Variants in TPTE2 observed in about 807,000 individuals in gnomAD.
The protein encoded by TPTE2 is transmembrane phosphoinositide 3-phosphatase and tensin homolog 2, also known as phosphatidylinositol 3,4,5-trisphosphate 3-phosphatase TPTE2.
Under a neutral mutation model 78.6 loss-of-function variants are expected in TPTE2, and 53 were observed. The ratio of observed to expected loss-of-function variants is 0.67; its 90% CI spans 0.54 to 0.85. TPTE2 has a LOEUF of 0.85. TPTE2 is among the 40% of genes least tolerant of loss of function. TPTE2 has a pLI of 0.00. For missense variants in TPTE2, 461 were observed against 623.0 expected (o/e 0.74, Z 2.77); for synonymous variants, 175 against 206.2 (o/e 0.85, Z 1.30).
upstream of TPTE2, among the ~76,000 whole-genome samples, chr13:19,504,890 A>T (rs147279780): frequency 6.6e-6 from 1 of 152,102 alleles, no homozygotes; most frequent in Non-Finnish European, 1.5e-5. Context: ...GTCTAGATAG[A>T]CAGAAGTAGT....
chr13:19,541,167 A>G (rs35165979), upstream of TPTE2, among the ~76,000 whole-genome samples: 1 of 152,324 alleles, frequency 6.6e-6, no homozygotes, highest in East Asian at 1.9e-4. Context: ...GTGGTCCCCA[A>G]GGTTTCTTGC....
At chr13:19,499,878 A>G (rs1482880558) in intron 1 of TPTE2, among the ~76,000 whole-genome samples, 17 of 150,702 alleles carry the variant, frequency 1.1e-4, no homozygotes, top group African/African-American at 3.7e-4. Flanking sequence ...TTTTGAAAGG[A>G]TCAACAAAAT....
At chr13:19,531,677 A>G (rs987097971) in intron 1 of TPTE2, among the ~76,000 whole-genome samples, 1 of 151,910 alleles carries the variant, frequency 6.6e-6, no homozygotes, top group Non-Finnish European at 1.5e-5. Flanking sequence ...CTGTAATCCC[A>G]GCACTTTGGG....
intron 4 of TPTE2, among the ~76,000 whole-genome samples, chr13:19,480,642 T>C (rs1205741239): frequency 6.6e-6 from 1 of 152,084 alleles, no homozygotes; most frequent in Non-Finnish European, 1.5e-5. Context: ...AACTTTTCAG[T>C]CCAAAGACAG....
chr13:19,451,135 C>A (rs1338770110), intron 11 of TPTE2, 30 bp downstream of exon 14: 4 of 1,608,312 alleles, frequency 2.5e-6, no homozygotes, highest in African/African-American at 1.3e-5. Flanking sequence ...TTTCTACCTA[C>A]AGTAGCAAAA....
Position 19,432,581 on chromosome 13 carries a change from G to A in TPTE2, c.1117-3C>T. The A allele has an allele frequency of 6.3e-7, 1 of 1,577,654 alleles. No homozygotes were observed. The highest frequency in any genetic ancestry group is 8.7e-7 in the Non-Finnish European group (1 of 1,153,514). On this transcript the variant is annotated splice_polypyrimidine_tract_variant and splice_region_variant and intron_variant, in intron 15 of 19. Transcript: ENST00000400230. ...GCAAAATATCCAACATATCTATTCT[G>A]AAAAGCAACAGAAATCTTCCTTTAA...
intron 18 of TPTE2, chr13:19,425,804 C>T (rs146865953): frequency 0.01 from 4,600 of 449,080 alleles, 64 homozygotes; most frequent in African/African-American, 0.034. Context: ...CTCCCCCTTC[C>T]AGTTGGCCCT....
chr13:19,487,257 C>T (rs970503147), intron 3 of TPTE2, among the ~76,000 whole-genome samples: 2 of 152,030 alleles, frequency 1.3e-5, no homozygotes, highest in Non-Finnish European at 2.9e-5. Flanking sequence ...TACACAGCTG[C>T]TTGTCTCTCA....
intron 15 of TPTE2, among the ~76,000 whole-genome samples, chr13:19,434,165 TA>T (rs2137483709): frequency 6.6e-6 from 1 of 152,342 alleles, no homozygotes; most frequent in African/African-American, 2.4e-5. Context: ...GCTTTGCCTT[TA>T]AAGGGGATAC....
chr13:19,425,148 C>T (rs140460384), intron 18 of TPTE2, 131 bp from the exon 22 acceptor site: 8,328 of 479,668 alleles, frequency 0.017, 602 homozygotes, highest in African/African-American at 0.15. Context: ...TAGCACTCTG[C>T]AATCTATAAC....
At chr13:19,450,162 T>C (rs1878084180) in exon 13 of TPTE2, 2 of 1,611,042 alleles carry the variant, frequency 1.2e-6, no homozygotes, top group African/African-American at 1.3e-5. Flanking sequence ...AACCACCATC[T>C]CACTGATTTC....
At chr13:19,469,681 T>C (rs1879488952) in intron 6 of TPTE2, among the ~76,000 whole-genome samples, 3 of 152,198 alleles carry the variant, frequency 2.0e-5, no homozygotes, top group Admixed American at 2.0e-4. Context: ...CATTTCTTGG[T>C]GTCCTCTTCA....
At chr13:19,457,239 A>T (rs1330153474) in intron 10 of TPTE2, among the ~76,000 whole-genome samples, 4 of 152,330 alleles carry the variant, frequency 2.6e-5, no homozygotes, top group African/African-American at 4.8e-5. Context: ...TAATATCATC[A>T]AGATATATAC....
intron 1 of TPTE2, among the ~76,000 whole-genome samples, chr13:19,522,037 C>T (rs772890589): frequency 3.9e-5 from 6 of 151,988 alleles, no homozygotes; most frequent in Middle Eastern, 3.4e-3. Context: ...TTTTGTTTAC[C>T]GAGGAATGTC....
chr13:19,440,428 TA>T (rs35288537), intron 13 of TPTE2, among the ~76,000 whole-genome samples: 137,749 of 151,648 alleles, frequency 0.91, 62,786 homozygotes, highest in East Asian at 0.95. Flanking sequence ...TCTTTCTTGA[TA>T]AAAAAAAAAC....
chr13:19,497,803 T>C (rs1321884026), intron 1 of TPTE2, among the ~76,000 whole-genome samples: 2 of 151,378 alleles, frequency 1.3e-5, no homozygotes, highest in Non-Finnish European at 3.0e-5. Flanking sequence ...GGATGGAGAA[T>C]GACTTTGACA....
chr13:19,546,469 T>C, the TPTE2 span, among the ~76,000 whole-genome samples: 22 of 141,466 alleles, frequency 1.6e-4, no homozygotes, highest in African/African-American at 5.6e-4. Context: ...ATTTTTGGGT[T>C]TTTTTTTCTT....
intron 13 of TPTE2, among the ~76,000 whole-genome samples, chr13:19,443,558 A>G (rs1490781309): frequency 1.3e-5 from 2 of 151,992 alleles, no homozygotes; most frequent in African/African-American, 4.8e-5. Context: ...ATGTGCCACC[A>G]CACCTGGCAA....
chr13:19,493,189 A>C (rs1311090473), intron 2 of TPTE2, among the ~76,000 whole-genome samples: 2 of 152,112 alleles, frequency 1.3e-5, no homozygotes, highest in Non-Finnish European at 2.9e-5. Flanking sequence ...ACAAAAAAAA[A>C]AAAAATCTCT....
Sources: allele counts gnomAD v4.1 joint callset (sites outside exome capture counted in the v4.1 genomes callset), GRCh38; gene constraint gnomAD v4.1.1; transcripts MANE v1.5; gene names NCBI Gene and HGNC (gene_info 2026-07-23, HGNC 2026-07-21).